Variants in SLMAP observed in about 807,000 individuals in gnomAD.
SLMAP encodes the protein sarcolemma associated protein.
Under a neutral mutation model 128.8 loss-of-function variants are expected in SLMAP, and 44 were observed. That is an observed-to-expected ratio of 0.34 (90% CI 0.27 to 0.44). The LOEUF is 0.44. Among genes scored for constraint, SLMAP ranks in the 20% least tolerant of loss-of-function variants. The pLI is 1.00. For missense variants in SLMAP, 787 were observed against 985.3 expected (o/e 0.80, Z 2.69); for synonymous variants, 327 against 348.8 (o/e 0.94, Z 0.70).
At chr3:57,832,116 A>G (rs1324350853) in intron 3 of SLMAP, among the ~76,000 whole-genome samples, 1 of 152,182 alleles carries the variant, frequency 6.6e-6, no homozygotes, top group Non-Finnish European at 1.5e-5. Context: ...CTCCCAGCAG[A>G]TTTCTCCTTA....
intron 15 of SLMAP, among the ~76,000 whole-genome samples, chr3:57,894,890 A>T (rs1158892016): frequency 6.6e-6 from 1 of 152,238 alleles, no homozygotes; most frequent in Non-Finnish European, 1.5e-5. Flanking sequence ...GATTACGGCT[A>T]AATTCTGCTA....
intron 22 of SLMAP, among the ~76,000 whole-genome samples, chr3:57,920,484 G>C (rs2096897134): frequency 1.3e-5 from 2 of 151,932 alleles, no homozygotes; most frequent in Non-Finnish European, 2.9e-5. Flanking sequence ...TATCTTTCTT[G>C]AGCATGATGA....
intron 2 of SLMAP, among the ~76,000 whole-genome samples, chr3:57,776,279 C>G (rs2081915874): frequency 6.6e-6 from 1 of 151,900 alleles, no homozygotes; most frequent in Non-Finnish European, 1.5e-5. Flanking sequence ...ACATTGTTAC[C>G]TTCATTATAT....
chr3:57,842,679 A>T (rs769259908), intron 4 of SLMAP, among the ~76,000 whole-genome samples: 19 of 152,294 alleles, frequency 1.2e-4, no homozygotes, highest in Middle Eastern at 3.4e-3. Context: ...GTCAGTTGGA[A>T]TGTATTGTGT....
At chr3:57,802,706 A>G (rs929863323) in intron 2 of SLMAP, among the ~76,000 whole-genome samples, 6 of 152,310 alleles carry the variant, frequency 3.9e-5, no homozygotes, top group Admixed American at 3.9e-4. Context: ...GAATCTATCA[A>G]TAGTTAATTC....
rs2097041881 is a variant in SLMAP, at chr3:57,928,555, T to G, written c.*1266T>G. ...AAAAACACTGCTTGATATTATAAAT[T>G]TAAAACACAAGTGAAAGTTTAGCCA... On this transcript the variant is annotated 3_prime_UTR_variant, in exon 25 of 25. Coordinates refer to ENST00000671191, the MANE Select transcript of SLMAP (RefSeq NM_001377540.1). The G allele has an allele frequency of 6.6e-6, 1 of 152,228 alleles. No homozygotes were observed. Among genetic ancestry groups the G allele is most frequent in the Non-Finnish European group, 1.5e-5 (1 of 68,020 alleles). The allele number at this position is 152,228 out of a possible 1,614,324, so 9.4% of individuals were successfully genotyped here.
chr3:57,886,082 A>G (rs1292172079), intron 14 of SLMAP, among the ~76,000 whole-genome samples: 3 of 142,928 alleles, frequency 2.1e-5, no homozygotes, highest in Non-Finnish European at 4.5e-5. Flanking sequence ...GCGCCCAAGA[A>G]GCAGAAACTT....
intron 4 of SLMAP, among the ~76,000 whole-genome samples, chr3:57,843,534 G>T (rs557495742): frequency 6.6e-6 from 1 of 151,154 alleles, no homozygotes; most frequent in Admixed American, 6.6e-5. Flanking sequence ...TTGAACTCCC[G>T]AGCACAGGCA....
At chr3:57,838,036 A>G (rs899501062) in intron 3 of SLMAP, among the ~76,000 whole-genome samples, 1 of 152,232 alleles carries the variant, frequency 6.6e-6, no homozygotes, top group Non-Finnish European at 1.5e-5. Context: ...AGATTTGCGC[A>G]TCAGCTCATT....
In SLMAP at chr3:57,790,698, A is replaced by G. The variant is rs917265132; in HGVS notation, c.198+32849A>G. Reference sequence around the variant, plus strand: ...ACCATCGAGCAATTATTAAACACGTAAGACTAATAATTCTCCTGAATTTAT... The same window carrying G: ...ACCATCGAGCAATTATTAAACACGTGAGACTAATAATTCTCCTGAATTTAT... On this transcript the variant is annotated intron_variant, in intron 2 of 24. Coordinates refer to ENST00000671191, the MANE Select transcript of SLMAP (RefSeq NM_001377540.1). Among the ~76,000 whole-genome samples, 9 of 152,342 alleles carry G rather than the reference A, an allele frequency of 5.9e-5. 1 individual carries two copies. In the South Asian group the frequency reaches 1.4e-3, roughly 25 times the overall value.
rs369445428 is a variant in SLMAP at position 57,829,089 on chromosome 3, G to A, written c.199-2294G>A. Among the ~76,000 whole-genome samples, 7 of 152,136 alleles carry A rather than the reference G, an allele frequency of 4.6e-5. No homozygotes were observed. In the East Asian group the frequency reaches 1.4e-3, roughly 29 times the overall value. On this transcript the variant is annotated intron_variant, in intron 2 of 24. Transcript: ENST00000671191. ...TGAGCCACTGTGTCTGGGCCCTGAT[G>A]TAAAACCTTTTAAATTTGAAAATAT...
chr3:57,862,102 G>A lies in SLMAP; in HGVS notation c.966+16G>A. On this transcript the variant is annotated intron_variant, in intron 10 of 24. Transcript: ENST00000671191. The stretch of plus-strand genomic sequence containing the variant: ...TAAATTAAAGGTATGTATTTACTCT[G>A]CCTGAAAGTATGTTAAGCTAATAAT... The A allele has an allele frequency of 6.5e-7, 1 of 1,544,274 alleles. No homozygotes were observed. The highest frequency in any genetic ancestry group is 8.9e-7 in the Non-Finnish European group (1 of 1,121,606).
chr3:57,893,993 TG>T (rs574213394), intron 15 of SLMAP, among the ~76,000 whole-genome samples: 152 of 152,320 alleles, frequency 1.0e-3, no homozygotes, highest in Non-Finnish European at 1.7e-3. Flanking sequence ...CCACAAATTC[TG>T]GGGGTATTCT....
intron 14 of SLMAP, among the ~76,000 whole-genome samples, chr3:57,889,126 C>T (rs774182495): frequency 3.2e-4 from 49 of 152,192 alleles, no homozygotes; most frequent in Non-Finnish European, 6.0e-4. Context: ...CCTCGTGATC[C>T]ACCCGCCTTG....
chr3:57,861,201 A>G (rs2095043544), intron 9 of SLMAP, among the ~76,000 whole-genome samples: 1 of 152,168 alleles, frequency 6.6e-6, no homozygotes, highest in South Asian at 2.1e-4. Flanking sequence ...CCAAGAGTCT[A>G]CACTACTTGT....
intron 14 of SLMAP, among the ~76,000 whole-genome samples, chr3:57,873,276 GT>G (rs1489512173): frequency 1.3e-5 from 2 of 152,180 alleles, no homozygotes; most frequent in Non-Finnish European, 2.9e-5. Context: ...GCCGAGGTGG[GT>G]GGATCACCTG....
At chr3:57,852,068 G>T (rs949264023) in intron 6 of SLMAP, among the ~76,000 whole-genome samples, 1 of 151,918 alleles carries the variant, frequency 6.6e-6, no homozygotes, top group African/African-American at 2.4e-5. Flanking sequence ...GTGCCACCAC[G>T]CCTGGCTAAT....
intron 2 of SLMAP, among the ~76,000 whole-genome samples, chr3:57,803,266 A>T (rs2089018436): frequency 6.6e-6 from 1 of 152,200 alleles, no homozygotes; most frequent in Non-Finnish European, 1.5e-5. Context: ...GGCCATCAAG[A>T]TTATGATAGA....
At chr3:57,834,665 C>T (rs1000102258) in intron 3 of SLMAP, among the ~76,000 whole-genome samples, 11 of 151,804 alleles carry the variant, frequency 7.2e-5, no homozygotes, top group African/African-American at 2.7e-4. Flanking sequence ...ACAGATAAAC[C>T]CTGTGTTATT....
Sources: allele counts gnomAD v4.1 joint callset (sites outside exome capture counted in the v4.1 genomes callset), GRCh38; gene constraint gnomAD v4.1.1; transcripts MANE v1.5; gene names NCBI Gene and HGNC (gene_info 2026-07-23, HGNC 2026-07-21).